Variants in THSD7A observed in about 807,000 individuals in gnomAD.
THSD7A encodes thrombospondin type 1 domain containing 7A.
THSD7A carries 96 observed loss-of-function variants against 231.3 expected under a neutral mutation model. The ratio of observed to expected loss-of-function variants is 0.41; its 90% CI spans 0.35 to 0.49. The LOEUF (loss-of-function observed/expected upper bound fraction) is 0.49. Among genes scored for constraint, THSD7A ranks in the 20% least tolerant of loss-of-function variants. THSD7A has a pLI of 0.05. For synonymous variants in THSD7A, 940 were observed against 743.3 expected (o/e 1.26, Z -4.30); for missense variants, 2,290 against 2,070.2 (o/e 1.11, Z -2.06).
chr7:11,563,679 G>A (rs1790174059), intron 4 of THSD7A, among the ~76,000 whole-genome samples: 1 of 152,106 alleles, frequency 6.6e-6, no homozygotes, highest in Admixed American at 6.5e-5. Flanking sequence ...TATGGTTTTT[G>A]ATTAGTCTTT....
Position 11,475,567 on chromosome 7 carries a change from T to C in THSD7A, c.2018-999A>G, listed in dbSNP as rs1447410123. 2.0e-5 allele frequency among the ~76,000 whole-genome samples: 3 copies of C among 147,926 alleles called. No individual in the cohort carries two copies. In the Admixed American group the frequency reaches 2.0e-4, roughly 10 times the overall value. On this transcript the variant is annotated intron_variant, in intron 7 of 27. Coordinates refer to ENST00000423059, the MANE Select transcript of THSD7A (RefSeq NM_015204.3). ...CAGGGTTATAAGTATATATATAACA[T>C]ATATGTATATATAACATATATGTAT...
chr7:11,679,158 C>T (rs1783766777), intron 1 of THSD7A, among the ~76,000 whole-genome samples: 2 of 152,098 alleles, frequency 1.3e-5, no homozygotes, highest in South Asian at 4.1e-4. Flanking sequence ...CCGCTTCATG[C>T]TAAAAACACT....
At chr7:11,785,945 T>C (rs1285670195) in intron 1 of THSD7A, among the ~76,000 whole-genome samples, 1 of 152,170 alleles carries the variant, frequency 6.6e-6, no homozygotes, top group Admixed American at 6.6e-5. Context: ...TTGCTCCCCC[T>C]ATAGATCTCA....
intron 22 of THSD7A, among the ~76,000 whole-genome samples, chr7:11,402,533 C>A (rs972420404): frequency 1.3e-5 from 2 of 152,152 alleles, no homozygotes; most frequent in Non-Finnish European, 2.9e-5. Flanking sequence ...CATCCTCAAT[C>A]AACTTCTCTT....
At chr7:11,657,382 G>A (rs977136847) in intron 1 of THSD7A, among the ~76,000 whole-genome samples, 1 of 151,734 alleles carries the variant, frequency 6.6e-6, no homozygotes, top group African/African-American at 2.4e-5. Flanking sequence ...CAGCAAGTAC[G>A]GGCTGTGTAA....
intron 1 of THSD7A, among the ~76,000 whole-genome samples, chr7:11,786,981 C>T (rs1783813962): frequency 6.6e-6 from 1 of 151,936 alleles, no homozygotes; most frequent in South Asian, 2.1e-4. Context: ...CTAAAGAGTT[C>T]ATATAAATTT....
At chr7:11,435,667 C>T (rs1784610685) in intron 13 of THSD7A, among the ~76,000 whole-genome samples, 2 of 152,058 alleles carry the variant, frequency 1.3e-5, no homozygotes, top group African/African-American at 4.8e-5. Flanking sequence ...GCCCCCTCAC[C>T]TCAGCTACCT....
intron 11 of THSD7A, among the ~76,000 whole-genome samples, chr7:11,448,666 T>C (rs1350334164): frequency 6.6e-6 from 1 of 152,024 alleles, no homozygotes; most frequent in Non-Finnish European, 1.5e-5. Flanking sequence ...TGCAGGGCTT[T>C]GTAATAGAGT....
intron 6 of THSD7A, among the ~76,000 whole-genome samples, chr7:11,503,061 A>G (rs1035909695): frequency 1.3e-5 from 2 of 152,224 alleles, no homozygotes; most frequent in African/African-American, 4.8e-5. Context: ...TCTTCAAACT[A>G]TACTACAAGG....
At chr7:11,595,512 C>T (rs562774357) in intron 2 of THSD7A, among the ~76,000 whole-genome samples, 1 of 152,152 alleles carries the variant, frequency 6.6e-6, no homozygotes, top group South Asian at 2.1e-4. Flanking sequence ...AAAAGATGGC[C>T]CATTGTGAGC....
rs1269125634 is a variant in THSD7A, at chr7:11,460,664, C to T, written c.2603G>A (p.Arg868Lys). The T allele has an allele frequency of 6.2e-7, 1 of 1,606,984 alleles. No individual in the cohort carries two copies. Among genetic ancestry groups the T allele is most frequent in the Non-Finnish European group, 8.5e-7 (1 of 1,176,722 alleles). Reference sequence around the variant, plus strand: ...AACTGTGGAATGGGGCCTCCCACCTCTTGCCTGTCGCCCAGGCCCACAGCC... The same window carrying T: ...AACTGTGGAATGGGGCCTCCCACCTTTTGCCTGTCGCCCAGGCCCACAGCC... ...QEGCGPGRQARAITCRKQDGG... is the reference protein window; with the variant it reads ...QEGCGPGRQAKAITCRKQDGG... The change falls in exon 11 of 28, where the codon AGA becomes AAA. Residue 868 changes from arginine (R) to lysine (K), a missense_variant and splice_region_variant. Physicochemically the swap from Arg to Lys is conservative, Grantham distance 26. Coordinates refer to ENST00000423059, the MANE Select transcript of THSD7A (RefSeq NM_015204.3).
At chr7:11,433,720 T>G (rs1022564973) in intron 13 of THSD7A, among the ~76,000 whole-genome samples, 5 of 152,054 alleles carry the variant, frequency 3.3e-5, no homozygotes, top group Admixed American at 2.6e-4. Flanking sequence ...TGGCCTTACA[T>G]GTCACTACCC....
chr7:11,386,714 A>T (rs1218966151), intron 23 of THSD7A, among the ~76,000 whole-genome samples: 1 of 152,164 alleles, frequency 6.6e-6, no homozygotes, highest in Non-Finnish European at 1.5e-5. Context: ...CTTTAGTTTA[A>T]TTAGATCCCA....
At chr7:11,755,137 C>A (rs139649405) in intron 1 of THSD7A, among the ~76,000 whole-genome samples, 1 of 151,856 alleles carries the variant, frequency 6.6e-6, no homozygotes, top group African/African-American at 2.4e-5. Flanking sequence ...CTCTAGGGGG[C>A]GGAGGATTGA....
intron 1 of THSD7A, among the ~76,000 whole-genome samples, chr7:11,767,819 G>A (rs1783077646): frequency 6.6e-6 from 1 of 152,112 alleles, no homozygotes; most frequent in African/African-American, 2.4e-5. Context: ...ACAATGGGTT[G>A]AGGACAACAG....
rs1177107748 is a variant in THSD7A, at chr7:11,372,774, A to G, written c.*3020T>C. 1 of 152,026 alleles carries G rather than the reference A, an allele frequency of 6.6e-6. No individual in the cohort carries two copies. The highest frequency in any genetic ancestry group is 1.5e-5 in the Non-Finnish European group (1 of 67,978). 9.4% of individuals were successfully genotyped at this position (152,026 alleles called of 1,614,324 possible). ...AGTTACTACTATATTCCCCTCCCAA[A>G]TTTTTAGAAGGAACAGTAAAAATAA... On this transcript the variant is annotated 3_prime_UTR_variant, in exon 28 of 28. Transcript: ENST00000423059.
chr7:11,703,515 C>T (rs1161604620), intron 1 of THSD7A, among the ~76,000 whole-genome samples: 9 of 151,102 alleles, frequency 6.0e-5, no homozygotes, highest in Non-Finnish European at 1.3e-4. Context: ...TGCTATTCTT[C>T]TGGAATTAAT....
intron 1 of THSD7A, among the ~76,000 whole-genome samples, chr7:11,818,815 C>G (rs1784785894): frequency 6.6e-6 from 1 of 152,146 alleles, no homozygotes. Flanking sequence ...GGATACTCCT[C>G]TCAAGAGGGA....
chr7:11,454,579 A>C lies in THSD7A; in HGVS notation c.2605+6083T>G, dbSNP rs549483057. ...AGTGGTTATCTCTTTTTTTTTTTTC[A>C]ATTCTTCAGTGATTATTGTGTATAT... is the stretch of plus-strand genomic sequence containing the variant. On this transcript the variant is annotated intron_variant, in intron 11 of 27. Transcript: ENST00000423059. 1.3e-3 allele frequency among the ~76,000 whole-genome samples: 197 copies of C among 146,274 alleles called. 1 individual carries two copies. Among genetic ancestry groups the C allele is most frequent in the Middle Eastern group, 0.011 (3 of 284 alleles).
Sources: gnomAD v4.1 joint callset for allele counts (sites outside exome capture counted in the v4.1 genomes callset) on GRCh38, gnomAD v4.1.1 for gene constraint, MANE v1.5 for transcripts, NCBI Gene and HGNC (gene_info 2026-07-23, HGNC 2026-07-21) for gene names.